SP4: variants seen among roughly 807,000 people sequenced by gnomAD.
The protein encoded by SP4 is Sp4 transcription factor, also known as transcription factor Sp4.
A neutral mutation model predicts 72.8 loss-of-function variants in SP4; 19 were observed. The observed-to-expected ratio is 0.26, with a 90% CI of 0.18 to 0.38. The LOEUF is 0.38. Ranked by LOEUF, SP4 falls within the 10% of genes least tolerant of loss-of-function variation. The pLI is 1.00. For missense variants in SP4, 1,008 were observed against 926.3 expected, an observed-to-expected ratio of 1.09 and a Z score of -1.14; for synonymous variants, 395 against 333.1, an observed-to-expected ratio of 1.19 and a Z score of -2.02.
At chr7:21,470,712 G>T (rs900593278) in intron 3 of SP4, among the ~76,000 whole-genome samples, 2 of 140,466 alleles carry the variant, frequency 1.4e-5, no homozygotes, top group Non-Finnish European at 3.0e-5. Context: ...CCAACAAACT[G>T]TCCCCCTCCA....
chr7:21,495,112 C>G (rs554016450), intron 5 of SP4, among the ~76,000 whole-genome samples: 6 of 152,230 alleles, frequency 3.9e-5, no homozygotes, highest in African/African-American at 1.2e-4. Context: ...AAATCCAAAA[C>G]CTAAAACAAC....
At chr7:21,467,683 G>A (rs1784209384) in intron 3 of SP4, among the ~76,000 whole-genome samples, 1 of 152,084 alleles carries the variant, frequency 6.6e-6, no homozygotes, top group South Asian at 2.1e-4. Flanking sequence ...TTTTTGAGAG[G>A]ACCTTAGACA....
chr7:21,437,577 G>A (rs1783089648), intron 3 of SP4, among the ~76,000 whole-genome samples: 1 of 152,126 alleles, frequency 6.6e-6, no homozygotes, highest in Non-Finnish European at 1.5e-5. Flanking sequence ...CTGGGAGGTG[G>A]TGCTTATATG....
intron 3 of SP4, 117 bp from the exon 4 acceptor site, chr7:21,476,962 T>G: frequency 1.4e-6 from 1 of 704,908 alleles, no homozygotes; most frequent in Non-Finnish European, 2.3e-6. Context: ...ACCCCTTAGT[T>G]TTTGTACTTT....
intron 5 of SP4, among the ~76,000 whole-genome samples, chr7:21,492,996 T>C (rs764702307): frequency 6.6e-6 from 1 of 152,136 alleles, no homozygotes; most frequent in Non-Finnish European, 1.5e-5. Context: ...GATCAGGAGT[T>C]TGAGACCAGC....
intron 4 of SP4, among the ~76,000 whole-genome samples, chr7:21,478,449 T>C (rs1255642507): frequency 6.6e-6 from 1 of 152,240 alleles, no homozygotes; most frequent in Non-Finnish European, 1.5e-5. Flanking sequence ...ACTTACCGAC[T>C]GTTTTCCAAA....
Position 21,430,835 on chromosome 7 carries a change from G to A in SP4, c.1670G>A (p.Ser557Asn). The change falls in exon 3 of 6, where the codon AGT (serine) becomes AAT (asparagine). Residue 557 changes from serine to asparagine, a missense_variant. Physicochemically the swap from Ser to Asn is conservative, Grantham distance 46. Transcript: ENST00000222584. ...QVQGVPVTIT[S>N]VAGQQQGQDG... ...CAGGGAGTTCCCGTTACAATCACTA[G>A]TGTTGCAGGTAAGTTCTGACATCTT... The A allele has an allele frequency of 6.2e-7, 1 of 1,607,730 alleles. No individual in the cohort carries two copies. The highest frequency in any genetic ancestry group is 8.5e-7 in the Non-Finnish European group (1 of 1,175,756).
chr7:21,449,527 A>C (rs1047907707), intron 3 of SP4, among the ~76,000 whole-genome samples: 1 of 152,214 alleles, frequency 6.6e-6, no homozygotes, highest in Non-Finnish European at 1.5e-5. Flanking sequence ...TGGTACTGAA[A>C]TACATATGCG....
chr7:21,496,192 T>G (rs1781700544), intron 5 of SP4, among the ~76,000 whole-genome samples: 1 of 152,198 alleles, frequency 6.6e-6, no homozygotes. Flanking sequence ...ATTATGTGAC[T>G]GAATGCATTT....
intron 5 of SP4, among the ~76,000 whole-genome samples, chr7:21,503,681 A>C (rs1781923996): frequency 6.6e-6 from 1 of 152,206 alleles, no homozygotes; most frequent in Non-Finnish European, 1.5e-5. Flanking sequence ...CCAGCCTGAA[A>C]GGTAATCTAC....
intron 5 of SP4, among the ~76,000 whole-genome samples, chr7:21,499,236 C>G (rs772737147): frequency 1.3e-5 from 2 of 152,166 alleles, no homozygotes; most frequent in Non-Finnish European, 2.9e-5. Context: ...GTCTTACGGT[C>G]TCTAAATGCC....
intron 3 of SP4, among the ~76,000 whole-genome samples, chr7:21,460,099 G>C (rs1245732976): frequency 1.3e-5 from 2 of 152,176 alleles, no homozygotes; most frequent in East Asian, 3.9e-4. Flanking sequence ...TTGAGAAAAG[G>C]AGAGCCCTAA....
Position 21,429,731 on chromosome 7 carries a change from T to C in SP4, c.566T>C (p.Leu189Pro). 6.2e-7 allele frequency: 1 copy of C among 1,614,200 alleles called. No homozygotes were observed. The highest frequency in any genetic ancestry group is 8.5e-7 in the Non-Finnish European group (1 of 1,180,036). ...ATCAATCCAACTAGTAGTTCATCTC[T>C]ACAGGATTTGCAGGGTCAAATTCAG... is the stretch of plus-strand genomic sequence containing the variant. ...IQINPTSSSSLQDLQGQIQLI... is the reference protein window; with the variant it reads ...IQINPTSSSSPQDLQGQIQLI... The change falls in exon 3 of 6, where the codon CTA becomes CCA. Residue 189 changes from leucine to proline, a missense_variant. Physicochemically the swap from Leu to Pro is moderately conservative, Grantham distance 98. This residue lies in a region of SP4 where 893 missense variants were observed against 743.3 expected (regional missense o/e 1.20). Coordinates refer to ENST00000222584, the MANE Select transcript of SP4 (RefSeq NM_003112.5).
At position 21,478,478 on chromosome 7, in the gene SP4, A is replaced by G. The variant is rs375233041; in HGVS notation, c.1907+1171A>G. Among the ~76,000 whole-genome samples, 167 of 149,054 alleles carry G rather than the reference A, an allele frequency of 1.1e-3. 1 individual carries two copies. The highest frequency in any genetic ancestry group is 4.0e-3 in the African/African-American group (162 of 40,370). On this transcript the variant is annotated intron_variant, in intron 4 of 5. Transcript: ENST00000222584. ...TTCCAAAGTGGCTGTACCATTTAAC[A>G]TTTCCATCAATAGGGTATGAAGGTT...
At chr7:21,503,775 A>G (rs547363405) in intron 5 of SP4, among the ~76,000 whole-genome samples, 5 of 152,274 alleles carry the variant, frequency 3.3e-5, no homozygotes, top group Middle Eastern at 3.4e-3. Context: ...CTTACTCCGG[A>G]GGTCTTCCTG....
chr7:21,461,381 G>A (rs59245562), intron 3 of SP4, among the ~76,000 whole-genome samples: 11,318 of 152,222 alleles, frequency 0.074, 967 homozygotes, highest in East Asian at 0.28. Flanking sequence ...GCCCTGCCTC[G>A]CGGGGAGGCA....
intron 3 of SP4, among the ~76,000 whole-genome samples, chr7:21,454,355 CTT>C (rs3060615): frequency 0.022 from 3,269 of 148,476 alleles, 126 homozygotes; most frequent in African/African-American, 0.075. Flanking sequence ...CTTTTACTAA[CTT>C]TTTTTTTTTT....
intron 5 of SP4, among the ~76,000 whole-genome samples, chr7:21,502,598 G>T (rs1262129747): frequency 1.3e-5 from 2 of 152,126 alleles, no homozygotes; most frequent in African/African-American, 2.4e-5. Context: ...ATGCATAGTA[G>T]TTACTCTTGT....
intron 5 of SP4, among the ~76,000 whole-genome samples, chr7:21,501,193 T>C (rs1781853779): frequency 6.6e-6 from 1 of 152,202 alleles, no homozygotes; most frequent in Admixed American, 6.5e-5. Context: ...TTCGCTTTTA[T>C]GGGCTGACCC....
Sources: allele counts gnomAD v4.1 joint callset (sites outside exome capture counted in the v4.1 genomes callset), GRCh38; gene constraint gnomAD v4.1.1; regional missense constraint gnomAD v4.1.1; transcripts MANE v1.5; gene names NCBI Gene and HGNC (gene_info 2026-07-23, HGNC 2026-07-21).